The following PVT1 variants were observed in gnomAD, a reference collection of about 807,000 sequenced individuals.
PVT1 encodes the protein Pvt1 oncogene, also known as CXCR4/PVT1 fusion.
intron 3 of PVT1, among the ~76,000 whole-genome samples, chr8:127,911,277 C>T (rs1238015007): frequency 6.6e-6 from 1 of 152,222 alleles, no homozygotes; most frequent in Non-Finnish European, 1.5e-5. Context: ...CCATAGTTTT[C>T]CTGGGCCTGT....
chr8:127,972,898 A>T (rs962613363), intron 3 of PVT1, among the ~76,000 whole-genome samples: 1 of 152,164 alleles, frequency 6.6e-6, no homozygotes, highest in African/African-American at 2.4e-5. Flanking sequence ...TATTAAAAAA[A>T]ATTTTTGATT....
In PVT1 at chr8:127,843,258, C is replaced by T. The variant is rs56201554; in HGVS notation, n.372+47187C>T. On this transcript the variant is annotated intron_variant and non_coding_transcript_variant, in intron 2 of 10. Transcript: ENST00000651587. The stretch of plus-strand genomic sequence containing the variant: ...GTAATCCCAGCTACTCAGGAGGGAA[C>T]TGCTTGAACCCGGGAGGTGGAGGTT... 7.1e-3 allele frequency among the ~76,000 whole-genome samples: 1,071 copies of T among 151,074 alleles called. 13 individuals carry two copies. The highest frequency in any genetic ancestry group is 0.025 in the African/African-American group (1,021 of 40,412).
At chr8:128,089,752 A>G (rs1563684480) in intron 5 of PVT1, among the ~76,000 whole-genome samples, 1 of 152,300 alleles carries the variant, frequency 6.6e-6, no homozygotes, top group East Asian at 1.9e-4. Context: ...TCTCTGTTAC[A>G]CATATTTGCA....
At chr8:127,845,586 C>G (rs2129723495) in intron 2 of PVT1, among the ~76,000 whole-genome samples, 1 of 152,254 alleles carries the variant, frequency 6.6e-6, no homozygotes, top group Middle Eastern at 3.4e-3. Context: ...TCCTTGACCC[C>G]AAACATACTT....
chr8:128,031,500 A>G (rs889443284), intron 4 of PVT1, among the ~76,000 whole-genome samples: 25 of 152,170 alleles, frequency 1.6e-4, no homozygotes, highest in African/African-American at 5.6e-4. Context: ...CGTACAAAGC[A>G]TTAACCTGGA....
At chr8:127,925,837 C>T (rs1311676066) in intron 3 of PVT1, among the ~76,000 whole-genome samples, 1 of 152,116 alleles carries the variant, frequency 6.6e-6, no homozygotes, top group Non-Finnish European at 1.5e-5. Flanking sequence ...GATGGGGTTT[C>T]ACCATGTTGG....
At chr8:127,809,995 C>A (rs560282607) in intron 2 of PVT1, among the ~76,000 whole-genome samples, 1 of 152,358 alleles carries the variant, frequency 6.6e-6, no homozygotes, top group African/African-American at 2.4e-5. Flanking sequence ...CTTCCTCTGG[C>A]AGGCTGGGCT....
At chr8:128,071,506 C>G (rs1340649282) in intron 5 of PVT1, among the ~76,000 whole-genome samples, 1 of 151,338 alleles carries the variant, frequency 6.6e-6, no homozygotes, top group Non-Finnish European at 1.5e-5. Flanking sequence ...ACTAAGGAGA[C>G]CCCCATCTCT....
At chr8:127,833,549 G>T (rs1814877331) in intron 2 of PVT1, among the ~76,000 whole-genome samples, 1 of 152,146 alleles carries the variant, frequency 6.6e-6, no homozygotes, top group East Asian at 1.9e-4. Flanking sequence ...AGCTTCCTGG[G>T]CTTAAGTAAT....
At chr8:128,042,398 G>A (rs1281429374) in intron 4 of PVT1, among the ~76,000 whole-genome samples, 2 of 152,172 alleles carry the variant, frequency 1.3e-5, no homozygotes, top group East Asian at 3.8e-4. Flanking sequence ...TGATGACCAG[G>A]CCTGGGCTAA....
At chr8:127,948,329 T>A (rs567590895) in intron 3 of PVT1, 53 of 178,308 alleles carry the variant, frequency 3.0e-4, no homozygotes, top group Non-Finnish European at 5.8e-4. Flanking sequence ...CTCTAGGTGG[T>A]CCCGTCTGGT....
intron 3 of PVT1, among the ~76,000 whole-genome samples, chr8:127,964,903 G>T (rs1372884624): frequency 1.3e-5 from 2 of 152,098 alleles, no homozygotes; most frequent in Non-Finnish European, 2.9e-5. Flanking sequence ...TCAAGCCATT[G>T]TACTGCCTCA....
chr8:127,905,206 AT>A (rs1442035676), intron 3 of PVT1, among the ~76,000 whole-genome samples: 1 of 152,166 alleles, frequency 6.6e-6, no homozygotes, highest in Non-Finnish European at 1.5e-5. Flanking sequence ...ACTTAATGTG[AT>A]TTTGGGGGAT....
chr8:128,086,741 G>A (rs558483876), intron 5 of PVT1, among the ~76,000 whole-genome samples: 1 of 152,280 alleles, frequency 6.6e-6, no homozygotes, highest in East Asian at 1.9e-4. Flanking sequence ...CATCCTTCAA[G>A]ACCCAGCTCA....
chr8:127,864,558 T>G (rs1815265721), intron 2 of PVT1, among the ~76,000 whole-genome samples: 1 of 152,124 alleles, frequency 6.6e-6, no homozygotes, highest in Admixed American at 6.5e-5. Flanking sequence ...TTTCTTTCTT[T>G]TTTTTTTGAG....
chr8:127,847,161 C>A (rs563040883), intron 2 of PVT1, among the ~76,000 whole-genome samples: 58 of 151,960 alleles, frequency 3.8e-4, no homozygotes, highest in African/African-American at 1.1e-3. Flanking sequence ...CACCACCACA[C>A]CTGGCTAATT....
At chr8:127,986,686 T>C (rs1191372277) in intron 3 of PVT1, among the ~76,000 whole-genome samples, 1 of 152,118 alleles carries the variant, frequency 6.6e-6, no homozygotes. Flanking sequence ...GCTGAGCAGG[T>C]TCAGTGTTTT....
intron 4 of PVT1, among the ~76,000 whole-genome samples, chr8:127,992,367 A>G (rs958188708): frequency 9.2e-5 from 14 of 152,244 alleles, no homozygotes; most frequent in African/African-American, 3.4e-4. Flanking sequence ...CCTGGGCAAC[A>G]GAGCAAGACT....
chr8:127,932,753 A>G, intron 3 of PVT1: 1 of 222,738 alleles, frequency 4.5e-6, no homozygotes, highest in Non-Finnish European at 7.5e-6. Flanking sequence ...TTATCTCAAT[A>G]AGCTGATATA....
Sources: gnomAD v4.1 joint callset for allele counts (sites outside exome capture counted in the v4.1 genomes callset) on GRCh38, gnomAD v4.1.1 for gene constraint, MANE v1.5 for transcripts, NCBI Gene and HGNC (gene_info 2026-07-23, HGNC 2026-07-21) for gene names.